NCAM2: variants seen among roughly 807,000 people sequenced by gnomAD.
NCAM2 encodes the protein neural cell adhesion molecule 2.
In NCAM2, 30 loss-of-function variants were observed where a neutral mutation model predicts 98.1. The ratio of observed to expected loss-of-function variants is 0.31; its 90% CI spans 0.23 to 0.41. The LOEUF is 0.41. Ranked by LOEUF, NCAM2 falls within the 10% of genes least tolerant of loss-of-function variation. The probability of loss-of-function intolerance (pLI) is 1.00; values close to 1 mark genes in which losing one functional copy is unlikely to be tolerated. For synonymous variants in NCAM2, 368 were observed against 342.4 expected, an observed-to-expected ratio of 1.07 and a Z score of -0.83; for missense variants, 867 against 1,005.8, an observed-to-expected ratio of 0.86 and a Z score of 1.87.
chr21:21,210,204 T>A (rs2069595887), intron 1 of NCAM2, among the ~76,000 whole-genome samples: 1 of 152,210 alleles, frequency 6.6e-6, no homozygotes, highest in Non-Finnish European at 1.5e-5. Context: ...ATGGGTTAAT[T>A]TGGCAAGACT....
At chr21:21,264,996 G>GTATATATATATGTGTCTGTA (rs368208335) in intron 1 of NCAM2, among the ~76,000 whole-genome samples, 1 of 28,376 alleles carries the variant, frequency 3.5e-5, no homozygotes, top group South Asian at 1.2e-3. Flanking sequence ...ATGTGTATGT[G>GTATATATATATGTGTCTGTA]TATATATACA....
chr21:21,490,044 TG>T, intron 15 of NCAM2, among the ~76,000 whole-genome samples: 1 of 152,196 alleles, frequency 6.6e-6, no homozygotes, highest in Non-Finnish European at 1.5e-5. Flanking sequence ...ATCCATGCTT[TG>T]TTTTCCAAAA....
chr21:21,109,898 G>T (rs980127866), intron 1 of NCAM2, among the ~76,000 whole-genome samples: 4 of 152,150 alleles, frequency 2.6e-5, no homozygotes, highest in Admixed American at 6.5e-5. Flanking sequence ...GAGGCACAGG[G>T]TATGTATTTT....
intron 8 of NCAM2, among the ~76,000 whole-genome samples, chr21:21,352,734 C>A: frequency 7.3e-6 from 1 of 137,598 alleles, no homozygotes; most frequent in East Asian, 2.2e-4. Flanking sequence ...TCTAGTTATA[C>A]ATTTAGAAGA....
chr21:21,411,069 T>TATATACAC (rs1279301831), intron 10 of NCAM2, among the ~76,000 whole-genome samples: 6 of 32,796 alleles, frequency 1.8e-4, no homozygotes, highest in African/African-American at 5.5e-4. Context: ...TATATATATA[T>TATATACAC]ACACACACAT....
chr21:21,051,151 G>A (rs6518058), intron 1 of NCAM2, among the ~76,000 whole-genome samples: 143,158 of 152,238 alleles, frequency 0.94, 67,933 homozygotes, highest in East Asian at 1. Flanking sequence ...TCCCATGTCC[G>A]AGGTAATATC....
rs1265834787 is a variant in NCAM2 at position 21,538,706 on chromosome 21, T to A, written c.*749T>A. ...ACAATGGATTATACAAAAAAAAGTG[T>A]ATTGCAAGTGAAATAATATTGATTT... On this transcript the variant is annotated 3_prime_UTR_variant, in exon 18 of 18. Coordinates refer to ENST00000400546, the MANE Select transcript of NCAM2 (RefSeq NM_004540.5). 1 of 152,138 alleles carries A rather than the reference T, an allele frequency of 6.6e-6. No homozygotes were observed. Among genetic ancestry groups the A allele is most frequent in the Non-Finnish European group, 1.5e-5 (1 of 68,006 alleles). The allele number at this position is 152,138 out of a possible 1,614,324, so 9.4% of individuals were successfully genotyped here. A position where few individuals can be genotyped will look rare whatever the true frequency, so the allele number is the denominator to read the frequency against.
At chr21:21,303,067 G>T (rs62207670) in intron 5 of NCAM2, among the ~76,000 whole-genome samples, 1 of 151,858 alleles carries the variant, frequency 6.6e-6, no homozygotes, top group Non-Finnish European at 1.5e-5. Flanking sequence ...ATGAACCTCC[G>T]CATGGGAACC....
intron 1 of NCAM2, among the ~76,000 whole-genome samples, chr21:21,141,090 G>A (rs2067159180): frequency 6.6e-6 from 1 of 152,106 alleles, no homozygotes; most frequent in South Asian, 2.1e-4. Flanking sequence ...GTACATTTTT[G>A]TAACCTTGAT....
intron 1 of NCAM2, among the ~76,000 whole-genome samples, chr21:21,237,751 A>T (rs1366916829): frequency 1.3e-5 from 2 of 152,030 alleles, no homozygotes; most frequent in Non-Finnish European, 2.9e-5. Flanking sequence ...GCATTAATGT[A>T]AAAAAAGAAA....
chr21:21,069,369 T>C (rs1172610058), intron 1 of NCAM2, among the ~76,000 whole-genome samples: 1 of 152,200 alleles, frequency 6.6e-6, no homozygotes, highest in East Asian at 1.9e-4. Flanking sequence ...CCCTTTAGGT[T>C]AAAAATGCGT....
intron 1 of NCAM2, among the ~76,000 whole-genome samples, chr21:21,080,309 G>A (rs185752174): frequency 9.5e-4 from 145 of 151,904 alleles, no homozygotes; most frequent in Non-Finnish European, 6.6e-4. Context: ...TTAACATTTC[G>A]CCTTTACCCC....
At chr21:21,496,633 T>C (rs1351685412) in intron 15 of NCAM2, among the ~76,000 whole-genome samples, 1 of 152,080 alleles carries the variant, frequency 6.6e-6, no homozygotes, top group Non-Finnish European at 1.5e-5. Flanking sequence ...CCCACTTGTC[T>C]ATTTTTTGTT....
At chr21:21,321,657 C>G (rs2074378455) in intron 5 of NCAM2, among the ~76,000 whole-genome samples, 1 of 152,084 alleles carries the variant, frequency 6.6e-6, no homozygotes, top group African/African-American at 2.4e-5. Flanking sequence ...ATCCCAGCAC[C>G]ACTTACCGAA....
intron 5 of NCAM2, among the ~76,000 whole-genome samples, chr21:21,321,485 C>T (rs1231343109): frequency 6.6e-6 from 1 of 152,082 alleles, no homozygotes; most frequent in Non-Finnish European, 1.5e-5. Flanking sequence ...AAATTCTTTG[C>T]CAAAGCCAGT....
chr21:21,162,494 A>C (rs893079158), intron 1 of NCAM2, among the ~76,000 whole-genome samples: 1 of 152,114 alleles, frequency 6.6e-6, no homozygotes, highest in Non-Finnish European at 1.5e-5. Context: ...TACTAGCATA[A>C]AATATATATC....
chr21:21,048,250 C>T (rs1261585066), intron 1 of NCAM2, among the ~76,000 whole-genome samples: 1 of 152,164 alleles, frequency 6.6e-6, no homozygotes. Flanking sequence ...CTATTAATCC[C>T]AGGTCTTCAG....
At chr21:20,999,858 A>T (rs2063987381) in intron 1 of NCAM2, among the ~76,000 whole-genome samples, 1 of 152,138 alleles carries the variant, frequency 6.6e-6, no homozygotes, top group African/African-American at 2.4e-5. Context: ...GACATTTTGG[A>T]TGTGAAGCCT....
chr21:21,353,434 T>C (rs1401934571), intron 8 of NCAM2, among the ~76,000 whole-genome samples: 1 of 152,190 alleles, frequency 6.6e-6, no homozygotes, highest in Non-Finnish European at 1.5e-5. Context: ...TTATTCCTTT[T>C]GGAAGTTGAC....
Sources: gnomAD v4.1 joint callset for allele counts (sites outside exome capture counted in the v4.1 genomes callset) on GRCh38, gnomAD v4.1.1 for gene constraint, MANE v1.5 for transcripts, NCBI Gene and HGNC (gene_info 2026-07-23, HGNC 2026-07-21) for gene names.